Variants in RPRD2 observed in about 807,000 individuals in gnomAD.
RPRD2 encodes the protein regulation of nuclear pre-mRNA domain containing 2.
A neutral mutation model predicts 104.4 loss-of-function variants in RPRD2; 12 were observed. The ratio of observed to expected loss-of-function variants is 0.11; its 90% CI spans 0.07 to 0.19. The LOEUF is 0.19. RPRD2 is among the 10% of genes least tolerant of loss of function. The pLI is 1.00. For synonymous variants in RPRD2, 714 were observed against 684.9 expected (o/e 1.04, Z -0.66); for missense variants, 1,543 against 1,790.1 (o/e 0.86, Z 2.49).
intron 2 of RPRD2, among the ~76,000 whole-genome samples, chr1:150,417,962 TTTTCTTTC>T (rs782499947): frequency 6.6e-6 from 1 of 151,442 alleles, no homozygotes; most frequent in South Asian, 2.1e-4. Context: ...CCTTCCTTTC[TTTTCTTTC>T]TTTCTTTCTT....
intron 1 of RPRD2, among the ~76,000 whole-genome samples, chr1:150,404,235 A>G (rs782684388): frequency 2.0e-5 from 3 of 152,124 alleles, no homozygotes; most frequent in Non-Finnish European, 4.4e-5. Context: ...AATTTTAAAC[A>G]AGGCTGTTTT....
At chr1:150,468,980 A>G (rs1445834858) in intron 10 of RPRD2, among the ~76,000 whole-genome samples, 1 of 151,824 alleles carries the variant, frequency 6.6e-6, no homozygotes, top group Admixed American at 6.6e-5. Flanking sequence ...GAAGGATCAT[A>G]ACTAAAGTAA....
Position 150,471,372 on chromosome 1 carries a change from G to A in RPRD2, c.2424G>A (p.Glu808=). The change falls in exon 11 of 11, where the codon GAG becomes GAA. Residue 808 remains glutamate, a synonymous_variant. Coordinates refer to ENST00000369068, the MANE Select transcript of RPRD2 (RefSeq NM_015203.5). The surrounding 1 kb of genome is among the most constrained non-coding windows in gnomAD (Gnocchi z 5.3). ...SPYKQPSDGM[E]RPSSLMDSSQ... is the part of the protein sequence containing the mutation. ...ATAAGCAGCCTTCTGATGGAATGGA[G>A]AGACCATCTTCCCTGATGGACTCTT... The A allele has an allele frequency of 1.1e-5, 18 of 1,613,706 alleles. No homozygotes were observed. The highest frequency in any genetic ancestry group is 1.5e-5 in the Non-Finnish European group (18 of 1,179,852).
intron 8 of RPRD2, among the ~76,000 whole-genome samples, chr1:150,458,214 T>G (rs1553898083): frequency 6.6e-6 from 1 of 152,030 alleles, no homozygotes; most frequent in Non-Finnish European, 1.5e-5. Flanking sequence ...CAGCACTTTG[T>G]GAGGCTGAGG....
At chr1:150,455,772 T>C (rs1261386727) in intron 7 of RPRD2, among the ~76,000 whole-genome samples, 1 of 152,162 alleles carries the variant, frequency 6.6e-6, no homozygotes, top group Non-Finnish European at 1.5e-5. Flanking sequence ...ATATGGGAAC[T>C]ATCTTTGCAA....
At chr1:150,462,523 A>G (rs1297279931) in intron 9 of RPRD2, among the ~76,000 whole-genome samples, 3 of 151,892 alleles carry the variant, frequency 2.0e-5, no homozygotes, top group African/African-American at 7.2e-5. Flanking sequence ...GGTTAAGTAT[A>G]TAAAACCTTT....
chr1:150,379,758 G>A (rs916357150), intron 1 of RPRD2, among the ~76,000 whole-genome samples: 1 of 151,986 alleles, frequency 6.6e-6, no homozygotes, highest in East Asian at 1.9e-4. Context: ...GGATGGCCTC[G>A]ATCTCTTGAC....
intron 2 of RPRD2, among the ~76,000 whole-genome samples, chr1:150,427,836 C>T (rs1043261588): frequency 1.8e-4 from 28 of 152,116 alleles, no homozygotes; most frequent in Admixed American, 7.2e-4. Flanking sequence ...TGGGGTATAA[C>T]ACTTTCTGTA....
chr1:150,414,804 A>G (rs1285189510), intron 1 of RPRD2, among the ~76,000 whole-genome samples: 2 of 152,226 alleles, frequency 1.3e-5, no homozygotes, highest in Non-Finnish European at 2.9e-5. Flanking sequence ...TAAGTGCAAT[A>G]AAAGAGTGGC....
intron 1 of RPRD2, among the ~76,000 whole-genome samples, chr1:150,406,380 C>T (rs1444611376): frequency 2.0e-5 from 3 of 152,148 alleles, no homozygotes; most frequent in African/African-American, 7.2e-5. Flanking sequence ...ATTGTTTTCT[C>T]TCTCACACTC....
At chr1:150,408,226 G>A (rs1045278811) in intron 1 of RPRD2, among the ~76,000 whole-genome samples, 3 of 136,032 alleles carry the variant, frequency 2.2e-5, no homozygotes, top group African/African-American at 5.9e-5. Context: ...GTGCAATGGC[G>A]CAATCTTGGT....
intron 2 of RPRD2, among the ~76,000 whole-genome samples, chr1:150,434,669 A>T (rs1269439877): frequency 1.3e-5 from 2 of 151,986 alleles, no homozygotes; most frequent in African/African-American, 4.8e-5. Context: ...TACAAAAATT[A>T]GCCAGGTGGT....
intron 2 of RPRD2, among the ~76,000 whole-genome samples, chr1:150,437,009 C>T (rs1361991044): frequency 6.6e-6 from 1 of 152,218 alleles, no homozygotes; most frequent in Non-Finnish European, 1.5e-5. Context: ...AGTTTGAGAT[C>T]AGCCTGGGCA....
rs376160321 is a variant in RPRD2 at position 150,369,841 on chromosome 1, C to T, written c.205+4922C>T. On this transcript the variant is annotated intron_variant, in intron 1 of 10. Transcript: ENST00000369068. ...TGTCGCCTAGGCTGGAGTACAGTGG[C>T]GGAATCTCGGCTCACTGCAACCTCC... Among the ~76,000 whole-genome samples, 5 of 151,410 alleles carry T rather than the reference C, an allele frequency of 3.3e-5. No homozygotes were observed. The South Asian group carries it at 6.2e-4, about 19-fold the overall frequency.
intron 8 of RPRD2, among the ~76,000 whole-genome samples, chr1:150,457,807 A>C (rs1480425406): frequency 1.3e-5 from 2 of 152,242 alleles, no homozygotes; most frequent in African/African-American, 4.8e-5. Context: ...GCGGTGGCTC[A>C]TGCCTGTAAT....
chr1:150,390,413 C>G (rs782206633), intron 1 of RPRD2, among the ~76,000 whole-genome samples: 2 of 152,068 alleles, frequency 1.3e-5, no homozygotes, highest in Non-Finnish European at 1.5e-5. Flanking sequence ...GCAGGAGAAT[C>G]GCTTGAATCT....
intron 7 of RPRD2, among the ~76,000 whole-genome samples, chr1:150,455,759 G>A (rs1553897452): frequency 6.6e-6 from 1 of 151,870 alleles, no homozygotes; most frequent in African/African-American, 2.4e-5. Context: ...TTGGATATAG[G>A]GTATATGGGA....
At chr1:150,368,061 A>G (rs1225242456) in intron 1 of RPRD2, among the ~76,000 whole-genome samples, 2 of 152,012 alleles carry the variant, frequency 1.3e-5, no homozygotes, top group Non-Finnish European at 1.5e-5. Context: ...GAAGGTCTGA[A>G]TTTCTTTTAC....
At chr1:150,366,525 T>C (rs1444219567) in intron 1 of RPRD2, among the ~76,000 whole-genome samples, 2 of 152,230 alleles carry the variant, frequency 1.3e-5, no homozygotes, top group Non-Finnish European at 1.5e-5. Context: ...ACAGTCATCA[T>C]TGAAGACTCA....
Sources: gnomAD v4.1 joint callset for allele counts (sites outside exome capture counted in the v4.1 genomes callset) on GRCh38, gnomAD v4.1.1 for gene constraint, Gnocchi (gnomAD v3.1) non-coding constraint, MANE v1.5 for transcripts, NCBI Gene and HGNC (gene_info 2026-07-23, HGNC 2026-07-21) for gene names.